Variants in ATAD2B observed in about 807,000 individuals in gnomAD.
ATAD2B encodes ATPase family AAA domain containing 2B, also known as ATPase family AAA domain-containing protein 2B.
ATAD2B carries 40 observed loss-of-function variants against 167.6 expected under a neutral mutation model. The observed-to-expected ratio is 0.24, with a 90% CI of 0.19 to 0.31. The LOEUF (loss-of-function observed/expected upper bound fraction) is 0.31, where lower values mean the gene tolerates loss of function less well. Ranked by LOEUF, ATAD2B falls within the 10% of genes least tolerant of loss-of-function variation. The pLI is 1.00. For missense variants in ATAD2B, 1,242 were observed against 1,757.2 expected, an observed-to-expected ratio of 0.71 and a Z score of 5.24; for synonymous variants, 579 against 596.5, an observed-to-expected ratio of 0.97 and a Z score of 0.43.
intron 18 of ATAD2B, among the ~76,000 whole-genome samples, chr2:23,802,420 T>A (rs952198982): frequency 3.3e-5 from 5 of 152,040 alleles, no homozygotes; most frequent in African/African-American, 1.2e-4. Context: ...CAGGATTCAA[T>A]AAATAAGGTA....
At chr2:23,909,474 A>G (rs1701957239) in intron 1 of ATAD2B, among the ~76,000 whole-genome samples, 1 of 151,794 alleles carries the variant, frequency 6.6e-6, no homozygotes, top group Non-Finnish European at 1.5e-5. Context: ...ACATACATAT[A>G]TATATACATA....
At chr2:23,832,398 GA>G (rs773261832) in intron 14 of ATAD2B, 1 of 302,698 alleles carries the variant, frequency 3.3e-6, no homozygotes, top group African/African-American at 2.2e-5. Context: ...AGTTAATGTG[GA>G]AAACGATGTT....
At chr2:23,766,706 T>G (rs1028347556) in intron 22 of ATAD2B, among the ~76,000 whole-genome samples, 2 of 152,080 alleles carry the variant, frequency 1.3e-5, no homozygotes, top group Non-Finnish European at 1.5e-5. Context: ...GAACAAATCA[T>G]CTCTCATACA....
At chr2:23,913,585 A>G (rs1457050195) in intron 1 of ATAD2B, among the ~76,000 whole-genome samples, 1 of 151,034 alleles carries the variant, frequency 6.6e-6, no homozygotes, top group Non-Finnish European at 1.5e-5. Flanking sequence ...GGCTGCAGTG[A>G]GCCGAGATCA....
intron 8 of ATAD2B, chr2:23,872,988 G>C: frequency 1.4e-6 from 1 of 727,826 alleles, no homozygotes. Flanking sequence ...CACTGGGCCA[G>C]ATCAACACCA....
At chr2:23,876,941 C>A (rs547901972) in intron 7 of ATAD2B, among the ~76,000 whole-genome samples, 74 of 151,700 alleles carry the variant, frequency 4.9e-4, no homozygotes, top group African/African-American at 1.7e-3. Context: ...GTGGTGCATG[C>A]CTGTAATCCC....
intron 13 of ATAD2B, among the ~76,000 whole-genome samples, chr2:23,838,453 A>G (rs1387468570): frequency 1.3e-5 from 2 of 152,022 alleles, no homozygotes; most frequent in African/African-American, 4.8e-5. Context: ...TTGTCTTTAA[A>G]AAAAAAAAAT....
intron 19 of ATAD2B, among the ~76,000 whole-genome samples, chr2:23,792,631 G>T (rs1241797164): frequency 6.6e-6 from 1 of 151,808 alleles, no homozygotes; most frequent in Non-Finnish European, 1.5e-5. Context: ...TCTCAAAATA[G>T]TAACTATGTT....
intron 22 of ATAD2B, among the ~76,000 whole-genome samples, chr2:23,766,897 T>G: frequency 7.0e-6 from 1 of 142,514 alleles, no homozygotes; most frequent in Non-Finnish European, 1.5e-5. Context: ...CAGACTGGAG[T>G]AGCTACTGAA....
At chr2:23,834,486 T>C (rs1327022431) in intron 13 of ATAD2B, among the ~76,000 whole-genome samples, 1 of 151,958 alleles carries the variant, frequency 6.6e-6, no homozygotes, top group African/African-American at 2.4e-5. Flanking sequence ...GCTAACAAAA[T>C]AACTGTAGCA....
chr2:23,883,441 T>C (rs1025386311), intron 6 of ATAD2B, among the ~76,000 whole-genome samples: 2 of 152,180 alleles, frequency 1.3e-5, no homozygotes, highest in African/African-American at 4.8e-5. Flanking sequence ...AAATAAGTTA[T>C]CTAAATATCC....
At chr2:23,770,272 T>C (rs1177175280) in intron 22 of ATAD2B, among the ~76,000 whole-genome samples, 1 of 151,836 alleles carries the variant, frequency 6.6e-6, no homozygotes, top group Non-Finnish European at 1.5e-5. Flanking sequence ...GCTGAGATCA[T>C]GCCACTGCAC....
intron 14 of ATAD2B, among the ~76,000 whole-genome samples, chr2:23,831,285 AAG>A (rs1411716621): frequency 6.6e-6 from 1 of 152,160 alleles, no homozygotes; most frequent in Non-Finnish European, 1.5e-5. Context: ...AGGAAAATAA[AAG>A]AAATTAAAAA....
At chr2:23,907,785 A>G (rs1701705448) in intron 1 of ATAD2B, among the ~76,000 whole-genome samples, 1 of 152,200 alleles carries the variant, frequency 6.6e-6, no homozygotes, top group Non-Finnish European at 1.5e-5. Context: ...TGGTACCAAA[A>G]CAGAGATATA....
At chr2:23,903,103 G>A (rs934572382) in intron 1 of ATAD2B, among the ~76,000 whole-genome samples, 2 of 151,912 alleles carry the variant, frequency 1.3e-5, no homozygotes, top group South Asian at 2.1e-4. Context: ...AGGTGTGCTG[G>A]TCCATGCCTG....
At chr2:23,824,902 T>C (rs1688011125) in intron 15 of ATAD2B, among the ~76,000 whole-genome samples, 1 of 152,162 alleles carries the variant, frequency 6.6e-6, no homozygotes, top group African/African-American at 2.4e-5. Context: ...AGTTATAGAA[T>C]ATTAGACCCT....
At chr2:23,744,019 T>A (rs1450263056), downstream of ATAD2B, among the ~76,000 whole-genome samples, 1 of 152,216 alleles carries the variant, frequency 6.6e-6, no homozygotes, top group Middle Eastern at 3.2e-3. Flanking sequence ...GTACACTAAA[T>A]AGTTCCACTG....
At chr2:23,830,798 A>G (rs1243882411) in intron 14 of ATAD2B, among the ~76,000 whole-genome samples, 2 of 152,126 alleles carry the variant, frequency 1.3e-5, no homozygotes, top group Non-Finnish European at 2.9e-5. Flanking sequence ...AAACTTCATT[A>G]GCAGCACAGG....
At chr2:23,917,516 A>G (rs990274566) in intron 1 of ATAD2B, among the ~76,000 whole-genome samples, 4 of 152,204 alleles carry the variant, frequency 2.6e-5, no homozygotes, top group African/African-American at 9.6e-5. Flanking sequence ...CTGTAAATTA[A>G]TATCACCAAG....
Sources: gnomAD v4.1 joint callset for allele counts (sites outside exome capture counted in the v4.1 genomes callset) on GRCh38, gnomAD v4.1.1 for gene constraint, MANE v1.5 for transcripts, NCBI Gene and HGNC (gene_info 2026-07-23, HGNC 2026-07-21) for gene names.